ZSCAN25: variants seen among roughly 807,000 people sequenced by gnomAD.
The protein encoded by ZSCAN25 is zinc finger and SCAN domain containing 25.
A neutral mutation model predicts 38.7 loss-of-function variants in ZSCAN25; 27 were observed. The observed-to-expected ratio is 0.70, with a 90% CI of 0.51 to 0.96. ZSCAN25 has a LOEUF of 0.96. Ranked by LOEUF, ZSCAN25 falls within the 40% of genes least tolerant of loss-of-function variation. ZSCAN25 has a pLI of 0.00. For synonymous variants in ZSCAN25, 273 were observed against 277.7 expected (o/e 0.98, Z 0.17); for missense variants, 637 against 705.9 (o/e 0.90, Z 1.11).
At chr7:99,696,054 G>A in the ZSCAN25 span, among the ~76,000 whole-genome samples, 1 of 152,150 alleles carries the variant, frequency 6.6e-6, no homozygotes, top group African/African-American at 2.4e-5. Context: ...ATGATTAGTC[G>A]AAAGCAGCAG....
chr7:99,678,997 C>T, the ZSCAN25 span, among the ~76,000 whole-genome samples: 15 of 152,300 alleles, frequency 9.8e-5, no homozygotes, highest in East Asian at 3.9e-4. Flanking sequence ...TATGTAAAAT[C>T]CAAATTGGCT....
At chr7:99,705,617 A>G in the ZSCAN25 span, 1 of 1,611,406 alleles carries the variant, frequency 6.2e-7, no homozygotes, top group Admixed American at 1.7e-5. Context: ...AAACGAGCAT[A>G]TTGAGAAGCA....
chr7:99,634,874 G>A (rs1056357124), downstream of ZSCAN25, among the ~76,000 whole-genome samples: 10 of 152,066 alleles, frequency 6.6e-5, no homozygotes, highest in African/African-American at 1.2e-4. Context: ...CCCGGGGGGC[G>A]GAGGTTGCAG....
At chr7:99,662,789 T>TCAG in the ZSCAN25 span, 1 of 1,601,442 alleles carries the variant, frequency 6.2e-7, no homozygotes, top group Non-Finnish European at 8.6e-7. This position sits in a 1 kb window ranked among gnomAD's most constrained non-coding sequence, Gnocchi z 4.3. Context: ...TCCCCGCCAG[T>TCAG]AGCCCTCAGA....
the ZSCAN25 span, among the ~76,000 whole-genome samples, chr7:99,653,076 T>G: frequency 1.3e-5 from 2 of 152,302 alleles, no homozygotes; most frequent in East Asian, 3.9e-4. This position sits in a 1 kb window ranked among gnomAD's most constrained non-coding sequence, Gnocchi z 4.2. Flanking sequence ...GAAATGTGAT[T>G]AATGGGGCTA....
At chr7:99,698,455 G>C in the ZSCAN25 span, among the ~76,000 whole-genome samples, 5 of 152,248 alleles carry the variant, frequency 3.3e-5, no homozygotes, top group South Asian at 8.3e-4. Context: ...CGGATCCTAC[G>C]TGGATGCCTT....
chr7:99,666,609 G>C, the ZSCAN25 span: 1 of 1,613,762 alleles, frequency 6.2e-7, no homozygotes, highest in South Asian at 1.1e-5. Flanking sequence ...ACTCTTTCAA[G>C]GTGACAGGCT....
chr7:99,669,738 G>T, the ZSCAN25 span, among the ~76,000 whole-genome samples: 6 of 152,186 alleles, frequency 3.9e-5, no homozygotes, highest in Admixed American at 6.5e-5. Flanking sequence ...AAATCGAAAT[G>T]TCACCATGCT....
In ZSCAN25 at chr7:99,631,433, A is replaced by C; in HGVS notation, c.*1413A>C. On this transcript the variant is annotated 3_prime_UTR_variant, in exon 8 of 8. Transcript: ENST00000394152. ...AAGCTTCCTTATTGTGCCATCACTTAAGGGTTTCATTTCTGTTTAAAGTTC... is the reference window on the plus strand; with the variant it reads ...AAGCTTCCTTATTGTGCCATCACTTCAGGGTTTCATTTCTGTTTAAAGTTC... 1.0e-6 allele frequency: 1 copy of C among 985,432 alleles called. No homozygotes were observed. Among genetic ancestry groups the C allele is most frequent in the Non-Finnish European group, 1.2e-6 (1 of 829,922 alleles). 61.0% of individuals were successfully genotyped at this position (985,432 alleles called of 1,614,324 possible).
the ZSCAN25 span, among the ~76,000 whole-genome samples, chr7:99,654,927 G>GTT: frequency 6.6e-6 from 1 of 152,050 alleles, no homozygotes; most frequent in Non-Finnish European, 1.5e-5. Flanking sequence ...TGATGGGGTT[G>GTT]TGTTTTTTTC....
the ZSCAN25 span, chr7:99,677,204 A>T: frequency 1.0e-6 from 1 of 985,382 alleles, no homozygotes; most frequent in Non-Finnish European, 1.2e-6. Context: ...ATCCTTGCAG[A>T]CCTTCCCCCT....
At chr7:99,678,103 T>A in the ZSCAN25 span, among the ~76,000 whole-genome samples, 2,577 of 152,358 alleles carry the variant, frequency 0.017, 82 homozygotes, top group African/African-American at 0.057. Context: ...CTGCATTTTC[T>A]GACTCCTGGG....
chr7:99,621,806 C>G (rs932251269), intron 5 of ZSCAN25: 2 of 375,842 alleles, frequency 5.3e-6, no homozygotes, highest in African/African-American at 4.1e-5. Context: ...TATTATTTCT[C>G]TTTTCTTTCC....
At chr7:99,686,453 G>C in the ZSCAN25 span, among the ~76,000 whole-genome samples, 3 of 152,186 alleles carry the variant, frequency 2.0e-5, no homozygotes, top group Admixed American at 6.5e-5. Flanking sequence ...CAGTGAGGCT[G>C]GGGGAGGGGT....
chr7:99,620,269 A>G, intron 4 of ZSCAN25: 2 of 450,078 alleles, frequency 4.4e-6, no homozygotes, highest in Non-Finnish European at 7.8e-6. Flanking sequence ...AGGCAAAAAG[A>G]AGGCAGTTGT....
chr7:99,667,303 T>TA, the ZSCAN25 span, among the ~76,000 whole-genome samples: 419 of 152,270 alleles, frequency 2.8e-3, 2 homozygotes, highest in Non-Finnish European at 4.4e-3. Context: ...CCTGCCTCTA[T>TA]ATCTCAGTCT....
rs1290081043 is a variant in ZSCAN25, at chr7:99,629,425, C to G, written c.1040C>G (p.Pro347Arg). 1 of 1,614,240 alleles carries G rather than the reference C, an allele frequency of 6.2e-7. No individual in the cohort carries two copies. The highest frequency in any genetic ancestry group is 1.1e-5 in the South Asian group (1 of 91,090). ...AAAACCCACAGCTCCTTCTGGAAGC[C>G]TTTCCAGTGCCCTGAGTGTGGGAAA... ...EVKTHSSFWK[P>R]FQCPECGKGF... is the part of the protein sequence containing the mutation. The change falls in exon 8 of 8, where the codon CCT (proline) becomes CGT (arginine). Residue 347 changes from proline to arginine, a missense_variant. Pro to Arg is a moderately radical substitution (Grantham distance 103). Transcript: ENST00000394152. This position sits in a 1 kb window ranked among gnomAD's most constrained non-coding sequence, Gnocchi z 5.6.
At chr7:99,731,043 G>A in the ZSCAN25 span, 2 of 1,613,542 alleles carry the variant, frequency 1.2e-6, no homozygotes, top group Non-Finnish European at 1.7e-6. Flanking sequence ...AAAAGAGGAA[G>A]CTCAAAAACA....
chr7:99,665,359 C>A, the ZSCAN25 span: 4 of 1,609,598 alleles, frequency 2.5e-6, no homozygotes, highest in Non-Finnish European at 3.4e-6. Flanking sequence ...CACCTCTTAC[C>A]GTCCTTCCAC....
Sources: allele counts gnomAD v4.1 joint callset (sites outside exome capture counted in the v4.1 genomes callset), GRCh38; gene constraint gnomAD v4.1.1; non-coding constraint Gnocchi (gnomAD v3.1); transcripts MANE v1.5; gene names NCBI Gene and HGNC (gene_info 2026-07-23, HGNC 2026-07-21).